Variants in PKHD1 observed in about 807,000 individuals in gnomAD.
PKHD1 encodes fibrocystin.
Under a neutral mutation model 412.0 loss-of-function variants are expected in PKHD1, and 291 were observed. The observed-to-expected ratio is 0.71, with a 90% confidence interval of 0.64 to 0.78. The LOEUF (loss-of-function observed/expected upper bound fraction) is 0.78, where lower values mean the gene tolerates loss of function less well. Among genes scored for constraint, PKHD1 ranks in the 30% least tolerant of loss-of-function variants. The pLI is 0.00. For missense variants in PKHD1, 4,825 were observed against 4,950.7 expected, an observed-to-expected ratio of 0.97 and a Z score of 0.76; for synonymous variants, 1,777 against 1,821.5, an observed-to-expected ratio of 0.98 and a Z score of 0.62.
rs1766268373 is a variant in PKHD1 at position 51,618,892 on chromosome 6, G to A, written c.*189C>T. The A allele has an allele frequency of 1.6e-6, 1 of 633,800 alleles. No homozygotes were observed. Among genetic ancestry groups the A allele is most frequent in the Non-Finnish European group, 2.8e-6 (1 of 357,776 alleles). 39.3% of individuals were successfully genotyped at this position (633,800 alleles called of 1,614,324 possible). ...TAGGATCATGATAGCTGCAAAATAT[G>A]TATGAGACATTTTTCAGTCTGTAAG... is the stretch of plus-strand genomic sequence containing the variant. On this transcript the variant is annotated 3_prime_UTR_variant, in exon 67 of 67. Transcript: ENST00000371117.
Position 52,017,437 on chromosome 6 carries a change from A to C in PKHD1, c.5573T>G (p.Phe1858Cys). 6.2e-7 allele frequency: 1 copy of C among 1,613,748 alleles called. No individual in the cohort carries two copies. Among genetic ancestry groups the C allele is most frequent in the African/African-American group, 1.3e-5 (1 of 75,048 alleles). Residue 1858 changes from phenylalanine (F) to cysteine (C), a missense_variant, in exon 34 of 67, where the codon TTT (phenylalanine) becomes TGT (cysteine). Transcript: ENST00000371117. Reference protein sequence around the residue: ...FVPDHWAESMFPSFSGLFISP... With the variant: ...FVPDHWAESMCPSFSGLFISP... ...GATAAAGAGGCCCGAGAATGATGGA[A>C]ACATTGACTCTGCCCAATGATCTGG...
chr6:51,852,575 C>G (rs1772476426), intron 49 of PKHD1, among the ~76,000 whole-genome samples: 1 of 152,158 alleles, frequency 6.6e-6, no homozygotes. Context: ...TTTTATCAAT[C>G]TGGGTGCTCC....
chr6:51,980,036 T>C (rs545483689), intron 35 of PKHD1, among the ~76,000 whole-genome samples: 2 of 152,280 alleles, frequency 1.3e-5, no homozygotes, highest in South Asian at 4.1e-4. Context: ...ACAAGGACTA[T>C]ATGGTAGTCA....
At chr6:52,033,274 G>T in intron 28 of PKHD1, 109 bp from the exon 29 acceptor site, 1 of 905,574 alleles carries the variant, frequency 1.1e-6, no homozygotes, top group East Asian at 2.6e-5. Context: ...TTTTAAGAAA[G>T]TTGTTCCTAA....
Position 51,755,033 on chromosome 6 carries a change from A to G in PKHD1, c.8643-95T>C, listed in dbSNP as rs558712708. The G allele has an allele frequency of 1.4e-4, 137 of 1,012,728 alleles. No individual in the cohort carries two copies. In the African/African-American group the frequency reaches 1.9e-3, roughly 14 times the overall value. The allele number at this position is 1,012,728 out of a possible 1,614,324, so 62.7% of individuals were successfully genotyped here. A position where few individuals can be genotyped will look rare whatever the true frequency, so the allele number is the denominator to read the frequency against. On this transcript the variant is annotated intron_variant, in intron 55 of 66. Coordinates refer to ENST00000371117, the MANE Select transcript of PKHD1 (RefSeq NM_138694.4). Reference sequence around the variant, plus strand: ...AAGAAAAGGAAATCCACTGTGACCAACATATCCCACCAGAGAAACTGAAAT... The same window carrying G: ...AAGAAAAGGAAATCCACTGTGACCAGCATATCCCACCAGAGAAACTGAAAT...
chr6:51,777,814 T>C (rs1441553307), intron 53 of PKHD1, among the ~76,000 whole-genome samples: 4 of 151,506 alleles, frequency 2.6e-5, no homozygotes, highest in Admixed American at 1.3e-4. Flanking sequence ...AGCGTTCCTC[T>C]AAAATTAGAG....
chr6:52,017,306 C>T (rs1800687020), intron 34 of PKHD1, 104 bp downstream of exon 34: 9 of 848,312 alleles, frequency 1.1e-5, no homozygotes, highest in South Asian at 2.7e-5. Context: ...GCCCTTACCA[C>T]GGCTGCCAGG....
At chr6:52,013,467 G>T (rs1315967807) in intron 34 of PKHD1, among the ~76,000 whole-genome samples, 1 of 152,044 alleles carries the variant, frequency 6.6e-6, no homozygotes, top group Non-Finnish European at 1.5e-5. Context: ...TCCAAAATAG[G>T]TTAACATTTA....
At chr6:51,680,400 A>ATCATAAGTGGC (rs1270217836) in intron 60 of PKHD1, among the ~76,000 whole-genome samples, 2 of 152,064 alleles carry the variant, frequency 1.3e-5, no homozygotes, top group African/African-American at 2.4e-5. Flanking sequence ...AAAGGTGTTT[A>ATCATAAGTGGC]CACTTTATCA....
At chr6:51,890,900 A>G (rs541639784) in intron 43 of PKHD1, among the ~76,000 whole-genome samples, 6 of 152,344 alleles carry the variant, frequency 3.9e-5, no homozygotes, top group Non-Finnish European at 7.3e-5. Flanking sequence ...CTTCTGACAC[A>G]GGAATTTTGA....
At chr6:51,660,407 T>C (rs1772639556) in intron 60 of PKHD1, among the ~76,000 whole-genome samples, 1 of 152,096 alleles carries the variant, frequency 6.6e-6, no homozygotes, top group Non-Finnish European at 1.5e-5. Context: ...CTCCAGTGGA[T>C]ACAAACTGGG....
chr6:51,680,196 A>G (rs546980533), intron 60 of PKHD1, among the ~76,000 whole-genome samples: 1 of 152,072 alleles, frequency 6.6e-6, no homozygotes, highest in East Asian at 1.9e-4. Context: ...AGTACTAGAA[A>G]TTTTTTCCAC....
At chr6:52,078,744 G>A (rs1811651425) in intron 5 of PKHD1, among the ~76,000 whole-genome samples, 1 of 152,172 alleles carries the variant, frequency 6.6e-6, no homozygotes, top group Non-Finnish European at 1.5e-5. Flanking sequence ...CATCTGGGGT[G>A]AAAAGGATCA....
intron 60 of PKHD1, among the ~76,000 whole-genome samples, chr6:51,715,386 G>C (rs982711467): frequency 1.3e-4 from 20 of 152,012 alleles, no homozygotes; most frequent in Admixed American, 9.2e-4. Flanking sequence ...CTAACATGCA[G>C]AGAAAGCAGG....
intron 52 of PKHD1, among the ~76,000 whole-genome samples, chr6:51,798,971 C>A (rs1795003162): frequency 6.6e-6 from 1 of 152,132 alleles, no homozygotes; most frequent in Non-Finnish European, 1.5e-5. Flanking sequence ...TTTAATTATA[C>A]CCCTTTCAGA....
intron 60 of PKHD1, among the ~76,000 whole-genome samples, chr6:51,727,488 T>C (rs1430188718): frequency 6.6e-6 from 1 of 152,150 alleles, no homozygotes; most frequent in African/African-American, 2.4e-5. Flanking sequence ...GAAGAACAAG[T>C]GTGGTGTTTC....
chr6:52,070,283 C>A, intron 10 of PKHD1, 123 bp downstream of exon 10: 1 of 731,880 alleles, frequency 1.4e-6, no homozygotes, highest in South Asian at 1.5e-5. Flanking sequence ...TCTCATTATA[C>A]TATTCTGTTT....
chr6:52,030,820 C>T (rs572724297), intron 29 of PKHD1, among the ~76,000 whole-genome samples: 21 of 152,254 alleles, frequency 1.4e-4, no homozygotes, highest in African/African-American at 4.8e-4. Flanking sequence ...TTACCTACAG[C>T]TGACTGATGG....
At position 52,027,866 on chromosome 6, in the gene PKHD1, T is replaced by A. The variant is rs1217153511; in HGVS notation, c.3591A>T (p.Glu1197Asp). The change falls in exon 31 of 67, where the codon GAA (glutamate) becomes GAT (aspartate). Residue 1197 changes from glutamate (E) to aspartate (D), a missense_variant. Glu to Asp is a conservative substitution (Grantham distance 45). Transcript: ENST00000371117. ...CACAGCAAGGCTCGATGCTGAAAACTTCTGTGAGGTACTGGATGTGGAGAT... is the reference window on the plus strand; with the variant it reads ...CACAGCAAGGCTCGATGCTGAAAACATCTGTGAGGTACTGGATGTGGAGAT... ...GVDLHIQYLT[E>D]VFSIEPCCGS... The A allele has an allele frequency of 6.2e-7, 1 of 1,613,678 alleles. No individual in the cohort carries two copies. The highest frequency in any genetic ancestry group is 1.7e-5 in the Admixed American group (1 of 60,032).
Sources: gnomAD v4.1 joint callset for allele counts (sites outside exome capture counted in the v4.1 genomes callset) on GRCh38, gnomAD v4.1.1 for gene constraint, MANE v1.5 for transcripts, NCBI Gene and HGNC (gene_info 2026-07-23, HGNC 2026-07-21) for gene names.